Variants in RAB3C observed in about 807,000 individuals in gnomAD.
The protein encoded by RAB3C is ras-related protein Rab-3C.
A neutral mutation model predicts 26.4 loss-of-function variants in RAB3C; 17 were observed. That is an observed-to-expected ratio of 0.64 (90% CI 0.44 to 0.97). The LOEUF (loss-of-function observed/expected upper bound fraction) is 0.97, where lower values mean the gene tolerates loss of function less well. Among genes scored for constraint, RAB3C ranks in the 50% least tolerant of loss-of-function variants. The pLI is 0.00. For synonymous variants in RAB3C, 91 were observed against 95.9 expected, an observed-to-expected ratio of 0.95 and a Z score of 0.30; for missense variants, 242 against 281.9, an observed-to-expected ratio of 0.86 and a Z score of 1.01.
At chr5:58,719,968 T>A (rs544145977) in intron 2 of RAB3C, among the ~76,000 whole-genome samples, 1 of 152,034 alleles carries the variant, frequency 6.6e-6, no homozygotes, top group South Asian at 2.1e-4. Flanking sequence ...TTTGGTTACA[T>A]CTGCAATGAC....
chr5:58,699,690 A>G lies in RAB3C; in HGVS notation c.253-26312A>G, dbSNP rs570439619. ...AGCTATGGCAGACACCCCTCCCCCAACCAGGCTGCTGCCTTGCCGTTCAGT... is the reference window on the plus strand; with the variant it reads ...AGCTATGGCAGACACCCCTCCCCCAGCCAGGCTGCTGCCTTGCCGTTCAGT... On this transcript the variant is annotated intron_variant, in intron 2 of 4. Coordinates refer to ENST00000282878, the MANE Select transcript of RAB3C (RefSeq NM_138453.4). 1.8e-3 allele frequency among the ~76,000 whole-genome samples: 280 copies of G among 152,196 alleles called. 8 individuals are homozygous for G. The highest frequency in any genetic ancestry group is 1.9e-3 in the Non-Finnish European group (126 of 67,998).
At chr5:58,788,676 A>T (rs1742448532) in intron 3 of RAB3C, among the ~76,000 whole-genome samples, 1 of 152,176 alleles carries the variant, frequency 6.6e-6, no homozygotes, top group African/African-American at 2.4e-5. Flanking sequence ...TGGGTGGGAG[A>T]GAAAGGAGGG....
chr5:58,793,929 G>A (rs1742584716), intron 3 of RAB3C, among the ~76,000 whole-genome samples: 1 of 151,926 alleles, frequency 6.6e-6, no homozygotes, highest in African/African-American at 2.4e-5. Context: ...TTTTATCTTG[G>A]AGATCACCTT....
intron 2 of RAB3C, among the ~76,000 whole-genome samples, chr5:58,646,194 C>G (rs996460965): frequency 6.6e-6 from 1 of 152,126 alleles, no homozygotes; most frequent in East Asian, 1.9e-4. Context: ...GAGTTAGGGG[C>G]CCCCTTTCTG....
intron 2 of RAB3C, among the ~76,000 whole-genome samples, chr5:58,713,295 C>T (rs756715074): frequency 6.6e-6 from 1 of 152,070 alleles, no homozygotes; most frequent in Admixed American, 6.6e-5. Context: ...AATGCAGGAA[C>T]CATTTTTACC....
intron 3 of RAB3C, among the ~76,000 whole-genome samples, chr5:58,733,007 T>C (rs1207251220): frequency 6.6e-6 from 1 of 152,176 alleles, no homozygotes; most frequent in Admixed American, 6.6e-5. Context: ...CTGAGAAACT[T>C]TTCTTAATCC....
intron 3 of RAB3C, among the ~76,000 whole-genome samples, chr5:58,811,187 A>G (rs547531521): frequency 6.6e-6 from 1 of 152,366 alleles, no homozygotes; most frequent in Non-Finnish European, 1.5e-5. Context: ...TGAAAGACTG[A>G]AGAGCAATTA....
intron 2 of RAB3C, among the ~76,000 whole-genome samples, chr5:58,710,044 T>A (rs1163313032): frequency 1.3e-5 from 2 of 152,290 alleles, no homozygotes; most frequent in East Asian, 3.9e-4. Flanking sequence ...GGCCTTGGTC[T>A]GAGTGTCATC....
At chr5:58,836,537 C>T (rs1006971266) in intron 4 of RAB3C, among the ~76,000 whole-genome samples, 2 of 152,156 alleles carry the variant, frequency 1.3e-5, no homozygotes, top group Non-Finnish European at 2.9e-5. Context: ...TGCCTCCCTT[C>T]CCCCACACCC....
chr5:58,670,622 A>T (rs1748096185), intron 2 of RAB3C, among the ~76,000 whole-genome samples: 2 of 152,218 alleles, frequency 1.3e-5, no homozygotes, highest in Admixed American at 1.3e-4. Flanking sequence ...TCAAAGACAA[A>T]TTATACATTT....
In RAB3C at chr5:58,761,063, T is replaced by TCTCACACACA. The variant is rs370091627; in HGVS notation, c.371+34944_371+34945insTCACACACAC. On this transcript the variant is annotated intron_variant, in intron 3 of 4. Transcript: ENST00000282878. The stretch of plus-strand genomic sequence containing the variant: ...CTCTCTCTCTCCCTCTCTCTCTCTC[T>TCTCACACACA]CACACACACACACACACACACACAC... 0.011 allele frequency among the ~76,000 whole-genome samples: 1,574 copies of TCTCACACACA among 144,740 alleles called. 62 individuals carry two copies. In the East Asian group the frequency reaches 0.12, roughly 11 times the overall value. 95.0% of individuals were successfully genotyped at this position (144,740 alleles called of 152,430 possible). A position where few individuals can be genotyped will look rare whatever the true frequency, so the allele number is the denominator to read the frequency against.
chr5:58,597,767 C>T (rs188527572), intron 1 of RAB3C, among the ~76,000 whole-genome samples: 16,717 of 41,852 alleles, frequency 0.4, 3,820 homozygotes, highest in Middle Eastern at 0.5. Context: ...AAGTATATAA[C>T]ATATAATACA....
At chr5:58,663,672 C>A (rs1747947669) in intron 2 of RAB3C, among the ~76,000 whole-genome samples, 1 of 140,742 alleles carries the variant, frequency 7.1e-6, no homozygotes, top group Admixed American at 6.8e-5. Context: ...AGTTGCTTAT[C>A]ATCATTAGTT....
chr5:58,733,837 T>C (rs986702405), intron 3 of RAB3C, among the ~76,000 whole-genome samples: 1 of 152,218 alleles, frequency 6.6e-6, no homozygotes, highest in Non-Finnish European at 1.5e-5. Context: ...TCTGCACCTA[T>C]TGCAGTGCAT....
chr5:58,745,983 A>T (rs1741395089), intron 3 of RAB3C, among the ~76,000 whole-genome samples: 1 of 152,198 alleles, frequency 6.6e-6, no homozygotes, highest in African/African-American at 2.4e-5. Context: ...TACCCCTCCT[A>T]CAGGGTTTTC....
intron 3 of RAB3C, among the ~76,000 whole-genome samples, chr5:58,729,712 A>C (rs1264050789): frequency 4.7e-5 from 7 of 147,754 alleles, no homozygotes; most frequent in Non-Finnish European, 7.4e-5. Context: ...GTGTATGTGT[A>C]TATATAAACA....
rs550842457 is a variant in RAB3C at position 58,657,564 on chromosome 5, C to T, written c.252+39694C>T. 6.6e-5 allele frequency among the ~76,000 whole-genome samples: 10 copies of T among 152,134 alleles called. No homozygotes were observed. In the Middle Eastern group the frequency reaches 0.02, roughly 310 times the overall value. On this transcript the variant is annotated intron_variant, in intron 2 of 4. Coordinates refer to ENST00000282878, the MANE Select transcript of RAB3C (RefSeq NM_138453.4). ...AAGACCTGGAGTTCTCACAGATCCGCAGGAAGGTCACTAGCATTTAAGCAA... is the reference window on the plus strand; with the variant it reads ...AAGACCTGGAGTTCTCACAGATCCGTAGGAAGGTCACTAGCATTTAAGCAA...
intron 3 of RAB3C, among the ~76,000 whole-genome samples, chr5:58,776,071 T>C (rs1194410789): frequency 6.6e-6 from 1 of 152,136 alleles, no homozygotes; most frequent in Non-Finnish European, 1.5e-5. Context: ...TCACCAGACA[T>C]ACCAGATTCC....
At chr5:58,604,491 G>A (rs1746519666) in intron 1 of RAB3C, among the ~76,000 whole-genome samples, 1 of 152,220 alleles carries the variant, frequency 6.6e-6, no homozygotes, top group South Asian at 2.1e-4. Context: ...TGCTTCAGCT[G>A]CTGTGGGGCA....
Sources: gnomAD v4.1 joint callset for allele counts (sites outside exome capture counted in the v4.1 genomes callset) on GRCh38, gnomAD v4.1.1 for gene constraint, MANE v1.5 for transcripts, NCBI Gene and HGNC (gene_info 2026-07-23, HGNC 2026-07-21) for gene names.